ARL8B: variants seen among roughly 807,000 people sequenced by gnomAD.
The protein encoded by ARL8B is ADP-ribosylation factor-like protein 8B.
ARL8B carries 9 observed loss-of-function variants against 30.6 expected under a neutral mutation model. The observed-to-expected ratio is 0.29, with a 90% CI of 0.18 to 0.51. The LOEUF (loss-of-function observed/expected upper bound fraction) is 0.51. ARL8B is among the 20% of genes least tolerant of loss of function. The probability of loss-of-function intolerance (pLI) is 0.97; values close to 1 mark genes in which losing one functional copy is unlikely to be tolerated. For synonymous variants in ARL8B, 74 were observed against 76.0 expected, an observed-to-expected ratio of 0.97 and a Z score of 0.14; for missense variants, 130 against 227.2, an observed-to-expected ratio of 0.57 and a Z score of 2.75.
At chr3:5,173,113 G>C (rs2054691548) in intron 4 of ARL8B, among the ~76,000 whole-genome samples, 1 of 152,180 alleles carries the variant, frequency 6.6e-6, no homozygotes, top group Non-Finnish European at 1.5e-5. Flanking sequence ...GGGGATATGA[G>C]AGTTGTAATT....
intron 1 of ARL8B, among the ~76,000 whole-genome samples, chr3:5,161,338 G>A (rs1379314090): frequency 6.6e-6 from 1 of 152,182 alleles, no homozygotes; most frequent in Non-Finnish European, 1.5e-5. Flanking sequence ...TATTAACACT[G>A]AAACTTGCAG....
intron 1 of ARL8B, among the ~76,000 whole-genome samples, chr3:5,132,634 A>G (rs980785748): frequency 2.0e-5 from 3 of 152,182 alleles, no homozygotes; most frequent in South Asian, 2.1e-4. Context: ...ATATTTTACA[A>G]TGCTGTACCC....
chr3:5,170,397 A>T, intron 1 of ARL8B, 106 bp from the exon 2 acceptor site: 1 of 648,142 alleles, frequency 1.5e-6, no homozygotes, highest in Non-Finnish European at 2.5e-6. Context: ...TACCAATGGT[A>T]AAAAAATATT....
rs1406238159 is a variant in ARL8B at position 5,178,730 on chromosome 3, T to C, written c.*17T>C. 2 of 1,611,754 alleles carry C rather than the reference T, an allele frequency of 1.2e-6. No homozygotes were observed. The highest frequency in any genetic ancestry group is 1.1e-5 in the South Asian group (1 of 90,968). On this transcript the variant is annotated 3_prime_UTR_variant, in exon 7 of 7. Transcript: ENST00000256496. ...AGAAGCTGAAGCATCTCCTGAAGTC[T>C]TCCAGTCCTTCTTGGCTATAATCCT...
chr3:5,134,221 C>T (rs1009031873), intron 1 of ARL8B, among the ~76,000 whole-genome samples: 1 of 152,158 alleles, frequency 6.6e-6, no homozygotes, highest in East Asian at 1.9e-4. Context: ...GCTGATGACT[C>T]GTTTTGCCAA....
chr3:5,145,479 G>A (rs1468428901), intron 1 of ARL8B, among the ~76,000 whole-genome samples: 1 of 152,114 alleles, frequency 6.6e-6, no homozygotes, highest in Non-Finnish European at 1.5e-5. Flanking sequence ...CGGGCCACCC[G>A]AGAGAGACAG....
chr3:5,161,264 G>A (rs2054577865), intron 1 of ARL8B, among the ~76,000 whole-genome samples: 1 of 152,130 alleles, frequency 6.6e-6, no homozygotes, highest in East Asian at 1.9e-4. Flanking sequence ...AGGCAAATCT[G>A]ATTGTTTGCC....
chr3:5,131,643 G>T (rs375553774), intron 1 of ARL8B, among the ~76,000 whole-genome samples: 2 of 150,546 alleles, frequency 1.3e-5, no homozygotes. Context: ...CACCCACCTC[G>T]GCCTCCCAAA....
intron 1 of ARL8B, among the ~76,000 whole-genome samples, chr3:5,147,500 C>G (rs1043972947): frequency 6.6e-6 from 1 of 152,122 alleles, no homozygotes; most frequent in Non-Finnish European, 1.5e-5. Flanking sequence ...TTTCCACACT[C>G]GTAACATCCA....
chr3:5,174,757 TAAA>T (rs1160719599), intron 6 of ARL8B, among the ~76,000 whole-genome samples: 1 of 145,660 alleles, frequency 6.9e-6, no homozygotes, highest in South Asian at 2.1e-4. Context: ...ATAATATATA[TAAA>T]TATATATTAT....
intron 1 of ARL8B, among the ~76,000 whole-genome samples, chr3:5,126,042 A>G (rs547027994): frequency 2.0e-5 from 3 of 152,320 alleles, no homozygotes; most frequent in Admixed American, 6.5e-5. Context: ...AATTTAAAAA[A>G]GAAAAAAGAC....
chr3:5,137,816 C>T (rs763680734), intron 1 of ARL8B, among the ~76,000 whole-genome samples: 14 of 151,930 alleles, frequency 9.2e-5, no homozygotes, highest in South Asian at 2.1e-4. Context: ...TTCAAACTCC[C>T]GGCCTCAAGT....
chr3:5,146,581 C>T (rs188096385), intron 1 of ARL8B, among the ~76,000 whole-genome samples: 12 of 152,254 alleles, frequency 7.9e-5, no homozygotes, highest in East Asian at 1.9e-4. Context: ...TTTTTCTAAT[C>T]GACACATAGG....
chr3:5,123,168 C>T (rs1481899880), intron 1 of ARL8B, among the ~76,000 whole-genome samples: 2 of 152,142 alleles, frequency 1.3e-5, no homozygotes, highest in East Asian at 3.9e-4. Flanking sequence ...GGAGACCAAG[C>T]TCATTGCTGA....
intron 1 of ARL8B, among the ~76,000 whole-genome samples, chr3:5,143,168 A>G (rs1246578556): frequency 6.6e-6 from 1 of 152,216 alleles, no homozygotes. Context: ...GGGTGCTACC[A>G]TCTTGGTTAC....
chr3:5,160,592 GA>G (rs1047266268), intron 1 of ARL8B, among the ~76,000 whole-genome samples: 26 of 152,312 alleles, frequency 1.7e-4, no homozygotes, highest in African/African-American at 4.8e-4. Flanking sequence ...ACAGGCAGTA[GA>G]GTTAGTTGTT....
At chr3:5,151,142 T>A (rs2054479853) in intron 1 of ARL8B, among the ~76,000 whole-genome samples, 3 of 152,214 alleles carry the variant, frequency 2.0e-5, no homozygotes, top group South Asian at 4.1e-4. Flanking sequence ...TTCATTGATT[T>A]GCTTCAAAGT....
chr3:5,173,621 G>C (rs981562405), intron 4 of ARL8B, among the ~76,000 whole-genome samples: 10 of 152,194 alleles, frequency 6.6e-5, no homozygotes, highest in Admixed American at 6.5e-5. Flanking sequence ...TCCCAGCTAC[G>C]GCAGGAGAAT....
intron 5 of ARL8B, 48 bp downstream of exon 5, chr3:5,174,132 A>G (rs1327938570): frequency 6.6e-7 from 1 of 1,514,116 alleles, no homozygotes; most frequent in Admixed American, 1.8e-5. Flanking sequence ...AAATTACCAT[A>G]TTTTGCCCAC....
Sources: allele counts gnomAD v4.1 joint callset (sites outside exome capture counted in the v4.1 genomes callset), GRCh38; gene constraint gnomAD v4.1.1; transcripts MANE v1.5; gene names NCBI Gene and HGNC (gene_info 2026-07-23, HGNC 2026-07-21).